ADGRL2: variants seen among roughly 807,000 people sequenced by gnomAD.
The protein encoded by ADGRL2 is calcium-independent alpha-latrotoxin receptor 2.
Under a neutral mutation model 157.4 loss-of-function variants are expected in ADGRL2, and 44 were observed. The observed-to-expected ratio is 0.28, with a 90% CI of 0.22 to 0.36. The LOEUF (loss-of-function observed/expected upper bound fraction) is 0.36, where lower values mean the gene tolerates loss of function less well. Ranked by LOEUF, ADGRL2 falls within the 10% of genes least tolerant of loss-of-function variation. ADGRL2 has a pLI of 1.00. For missense variants in ADGRL2, 1,510 were observed against 1,768.9 expected (o/e 0.85, Z 2.63); for synonymous variants, 585 against 624.7 (o/e 0.94, Z 0.95).
chr1:81,963,993 T>C (rs755219798), intron 11 of ADGRL2, among the ~76,000 whole-genome samples: 1 of 151,640 alleles, frequency 6.6e-6, no homozygotes, highest in Non-Finnish European at 1.5e-5. Context: ...TCTATTGTCT[T>C]TTAAAAATTT....
intron 2 of ADGRL2, among the ~76,000 whole-genome samples, chr1:81,454,029 A>AGGTGCC (rs2077751932): frequency 3.3e-5 from 5 of 152,204 alleles, no homozygotes; most frequent in Admixed American, 3.3e-4. Context: ...TATGGACTTA[A>AGGTGCC]GGTGCCGGCA....
intron 1 of ADGRL2, among the ~76,000 whole-genome samples, chr1:81,388,536 A>G (rs1019783814): frequency 3.9e-5 from 6 of 152,080 alleles, no homozygotes; most frequent in African/African-American, 1.4e-4. Context: ...CTCAAAATAA[A>G]TGTGTTGAAA....
At chr1:81,577,245 C>G (rs2080816147) in intron 2 of ADGRL2, among the ~76,000 whole-genome samples, 1 of 152,166 alleles carries the variant, frequency 6.6e-6, no homozygotes, top group African/African-American at 2.4e-5. Context: ...CTCTTGATAT[C>G]CTGTGTGAAT....
Position 81,525,360 on chromosome 1 carries a change from G to A in ADGRL2, c.-247-55516G>A, listed in dbSNP as rs114608937. ...TTGGAGACAGTCTTCCTCTGTCCCCGAGGCTGGAGTGCAGTGGTGCGATCC... is the reference window on the plus strand; with the variant it reads ...TTGGAGACAGTCTTCCTCTGTCCCCAAGGCTGGAGTGCAGTGGTGCGATCC... On this transcript the variant is annotated intron_variant, in intron 2 of 24. Coordinates refer to the ADGRL2 transcript ENST00000370721. Among the ~76,000 whole-genome samples, 1,393 of 151,700 alleles carry A rather than the reference G, an allele frequency of 9.2e-3. 24 individuals are homozygous for A. The highest frequency in any genetic ancestry group is 0.031 in the African/African-American group (1,270 of 41,334).
At chr1:81,422,203 A>G (rs914777097) in intron 1 of ADGRL2, among the ~76,000 whole-genome samples, 4 of 151,978 alleles carry the variant, frequency 2.6e-5, no homozygotes, top group African/African-American at 9.7e-5. Flanking sequence ...TTTTTAACAT[A>G]AATTATATTA....
At chr1:81,324,561 T>C (rs1055053161) in intron 1 of ADGRL2, among the ~76,000 whole-genome samples, 5 of 149,260 alleles carry the variant, frequency 3.3e-5, no homozygotes, top group African/African-American at 1.2e-4. Context: ...TATTAAAAAG[T>C]TATATATAAA....
chr1:81,699,136 T>A (rs1418964056), upstream of ADGRL2, among the ~76,000 whole-genome samples: 1 of 152,264 alleles, frequency 6.6e-6, no homozygotes, highest in African/African-American at 2.4e-5. Context: ...GGAACTCTAA[T>A]TTTATTTTCC....
chr1:81,668,724 G>A (rs1465062699), intron 3 of ADGRL2, among the ~76,000 whole-genome samples: 2 of 132,978 alleles, frequency 1.5e-5, no homozygotes, highest in East Asian at 2.1e-4. Context: ...CACCAGGCCC[G>A]GCTAATTTTT....
chr1:81,383,734 G>A (rs1247821978), intron 1 of ADGRL2, among the ~76,000 whole-genome samples: 1 of 149,188 alleles, frequency 6.7e-6, no homozygotes, highest in Non-Finnish European at 1.5e-5. Flanking sequence ...GGAGGCCAAG[G>A]TGGGCAGATC....
chr1:81,317,185 A>C (rs1204043645), intron 1 of ADGRL2, among the ~76,000 whole-genome samples: 2 of 151,766 alleles, frequency 1.3e-5, no homozygotes, highest in East Asian at 3.9e-4. Flanking sequence ...ACATAACACA[A>C]CCCCCACAAC....
At chr1:81,386,805 CT>C (rs372012793) in intron 1 of ADGRL2, among the ~76,000 whole-genome samples, 3 of 151,610 alleles carry the variant, frequency 2.0e-5, no homozygotes, top group Admixed American at 1.3e-4. Context: ...CTCTGCTATT[CT>C]TTTTTTTTCC....
chr1:81,609,221 G>C (rs1384147171), intron 3 of ADGRL2, among the ~76,000 whole-genome samples: 1 of 151,818 alleles, frequency 6.6e-6, no homozygotes, highest in African/African-American at 2.4e-5. Flanking sequence ...TGTATTTTAA[G>C]TAGAGACTGG....
intron 1 of ADGRL2, among the ~76,000 whole-genome samples, chr1:81,442,515 A>AT (rs1005466651): frequency 6.6e-6 from 1 of 152,226 alleles, no homozygotes; most frequent in Non-Finnish European, 1.5e-5. Flanking sequence ...ATAGCCTAAG[A>AT]TTTTATCCCT....
intron 2 of ADGRL2, among the ~76,000 whole-genome samples, chr1:81,484,963 G>GGT (rs2078469419): frequency 6.6e-6 from 1 of 151,900 alleles, no homozygotes; most frequent in African/African-American, 2.4e-5. Flanking sequence ...GCTTTGTTTT[G>GGT]GTAATTGAGT....
intron 1 of ADGRL2, among the ~76,000 whole-genome samples, chr1:81,332,453 G>A (rs1661340290): frequency 6.6e-6 from 1 of 152,120 alleles, no homozygotes; most frequent in South Asian, 2.1e-4. Context: ...ATCAAGTTGT[G>A]TAAGTACCTC....
chr1:81,841,317 T>G (rs1003034425), intron 2 of ADGRL2, among the ~76,000 whole-genome samples: 2 of 152,086 alleles, frequency 1.3e-5, no homozygotes, highest in African/African-American at 4.8e-5. Flanking sequence ...TTCTTGCCAG[T>G]TTTTACTGTA....
chr1:81,419,672 G>T (rs989560443), intron 1 of ADGRL2, among the ~76,000 whole-genome samples: 16 of 152,084 alleles, frequency 1.1e-4, no homozygotes, highest in African/African-American at 3.9e-4. Flanking sequence ...AGGTAAATAC[G>T]CATGCTTTTG....
intron 3 of ADGRL2, among the ~76,000 whole-genome samples, chr1:81,687,674 A>T (rs1175151444): frequency 1.3e-5 from 2 of 152,074 alleles, no homozygotes; most frequent in Non-Finnish European, 2.9e-5. Context: ...TGTTACATTC[A>T]TTGTGCTCTT....
chr1:81,868,457 T>G (rs1286981517), intron 2 of ADGRL2, among the ~76,000 whole-genome samples: 1 of 152,134 alleles, frequency 6.6e-6, no homozygotes, highest in Admixed American at 6.6e-5. Context: ...CTAAGCAGTT[T>G]GGCCCTGGAT....
Sources: allele counts gnomAD v4.1 joint callset (sites outside exome capture counted in the v4.1 genomes callset), GRCh38; gene constraint gnomAD v4.1.1; transcripts MANE v1.5; gene names NCBI Gene and HGNC (gene_info 2026-07-23, HGNC 2026-07-21).